The following CD163L1 variants were observed in gnomAD, a reference collection of about 807,000 sequenced individuals.
The protein encoded by CD163L1 is scavenger receptor cysteine-rich type 1 protein M160.
Under a neutral mutation model 165.4 loss-of-function variants are expected in CD163L1, and 124 were observed. The observed-to-expected ratio is 0.75, with a 90% CI of 0.65 to 0.87. The LOEUF (loss-of-function observed/expected upper bound fraction) is 0.87, where lower values mean the gene tolerates loss of function less well. Among genes scored for constraint, CD163L1 ranks in the 40% least tolerant of loss-of-function variants. The pLI is 0.00. For synonymous variants in CD163L1, 585 were observed against 662.2 expected (o/e 0.88, Z 1.79); for missense variants, 1,525 against 1,799.9 (o/e 0.85, Z 2.76).
chr12:7,413,966 T>C (rs1948187854), intron 4 of CD163L1, among the ~76,000 whole-genome samples: 1 of 152,030 alleles, frequency 6.6e-6, no homozygotes, highest in South Asian at 2.1e-4. Flanking sequence ...GGCTGAGTGG[T>C]GAAGGTTCAT....
chr12:7,415,538 T>C (rs905195499), intron 4 of CD163L1, among the ~76,000 whole-genome samples: 1 of 152,036 alleles, frequency 6.6e-6, no homozygotes, highest in African/African-American at 2.4e-5. Flanking sequence ...CAACCAGTCA[T>C]CTACATAAAG....
At chr12:7,363,276 T>G (rs1946944636) in intron 18 of CD163L1, among the ~76,000 whole-genome samples, 2 of 151,718 alleles carry the variant, frequency 1.3e-5, no homozygotes, top group Admixed American at 1.3e-4. Flanking sequence ...ACCCCTGCAC[T>G]CTAGCATGGG....
chr12:7,356,688 A>G (rs147946935), intron 19 of CD163L1, among the ~76,000 whole-genome samples: 64 of 152,152 alleles, frequency 4.2e-4, no homozygotes, highest in Admixed American at 1.6e-3. Flanking sequence ...ATTGAGTTCA[A>G]TTTTTCTCTC....
rs572151308 is a variant in CD163L1, at chr12:7,418,539, C to A, written c.767-11687G>T. ...AAGAAAATTATACCAAAGATCAGAGCAGAACTAAATGAAATTGAAAAACAA... is the reference window on the plus strand; with the variant it reads ...AAGAAAATTATACCAAAGATCAGAGAAGAACTAAATGAAATTGAAAAACAA... On this transcript the variant is annotated intron_variant, in intron 4 of 19. Transcript: ENST00000313599. Among the ~76,000 whole-genome samples, 26 of 151,782 alleles carry A rather than the reference C, an allele frequency of 1.7e-4. No homozygotes were observed. The South Asian group carries it at 5.4e-3, about 32-fold the overall frequency.
chr12:7,368,521 GTTTC>G lies in CD163L1; in HGVS notation c.4073-328_4073-325del, dbSNP rs1412844806. 7.6e-5 allele frequency among the ~76,000 whole-genome samples: 11 copies of G among 144,756 alleles called. No homozygotes were observed. The highest frequency in any genetic ancestry group is 2.0e-4 in the East Asian group (1 of 4,916). The allele number at this position is 144,756 out of a possible 152,430, so 95.0% of individuals were successfully genotyped here. ...AAAATACTAGGGCTTGAGCTGAGCT[GTTTC>G]TTTCTTTTTTTTTTTTTTTTGAGAT... On this transcript the variant is annotated intron_variant, in intron 16 of 19. Coordinates refer to ENST00000313599, the MANE Select transcript of CD163L1 (RefSeq NM_174941.6). The surrounding 1 kb of genome is among the most constrained non-coding windows in gnomAD (Gnocchi z 4.3).
At chr12:7,419,875 T>C (rs1381433095) in intron 4 of CD163L1, among the ~76,000 whole-genome samples, 1 of 151,934 alleles carries the variant, frequency 6.6e-6, no homozygotes, top group African/African-American at 2.4e-5. Flanking sequence ...AGAAATCATA[T>C]GGAACCAAAA....
intron 18 of CD163L1, among the ~76,000 whole-genome samples, chr12:7,358,322 C>T (rs1946822153): frequency 6.6e-6 from 1 of 152,102 alleles, no homozygotes; most frequent in South Asian, 2.1e-4. Context: ...CAAGTTATCA[C>T]AGTGAAGACT....
At chr12:7,370,801 C>T (rs1474916127) in intron 14 of CD163L1, among the ~76,000 whole-genome samples, 4 of 152,120 alleles carry the variant, frequency 2.6e-5, no homozygotes, top group African/African-American at 4.8e-5. Context: ...TACTTTTAGA[C>T]TAGCTTCTAC....
the CD163L1 span, among the ~76,000 whole-genome samples, chr12:7,319,797 G>A: frequency 6.6e-6 from 1 of 151,996 alleles, no homozygotes; most frequent in South Asian, 2.1e-4. Context: ...TTTACAAAGT[G>A]CCCTAAAGTT....
At position 7,347,449 on chromosome 12, in the gene CD163L1, T is replaced by C. The variant is rs2136361051; in HGVS notation, c.*25-302A>G. Among the ~76,000 whole-genome samples, 1 of 152,286 alleles carries C rather than the reference T, an allele frequency of 6.6e-6. No individual in the cohort carries two copies. The highest frequency in any genetic ancestry group is 2.4e-5 in the African/African-American group (1 of 41,570). Reference sequence around the variant, plus strand: ...TGGGTGGTTACTTTCCTTATATCTTTATAACCAGTTTATCTTGGTTAATTT... The same window carrying C: ...TGGGTGGTTACTTTCCTTATATCTTCATAACCAGTTTATCTTGGTTAATTT... On this transcript the variant is annotated intron_variant, in intron 4 of 4. Transcript: ENST00000539726. The surrounding 1 kb of genome is among the most constrained non-coding windows in gnomAD (Gnocchi z 4.2).
chr12:7,438,786 C>G, intron 2 of CD163L1: 1 of 1,482,242 alleles, frequency 6.7e-7, no homozygotes, highest in Non-Finnish European at 9.1e-7. Flanking sequence ...ACCTCCTCGG[C>G]TGAGTCCATG....
intron 4 of CD163L1, among the ~76,000 whole-genome samples, chr12:7,411,480 C>G (rs1186784832): frequency 6.6e-6 from 1 of 152,134 alleles, no homozygotes; most frequent in Non-Finnish European, 1.5e-5. Context: ...GCCCTCCCTG[C>G]AGTAATGAGT....
chr12:7,319,589 C>CAA, the CD163L1 span, among the ~76,000 whole-genome samples: 6 of 53,606 alleles, frequency 1.1e-4, no homozygotes, highest in Non-Finnish European at 1.9e-4. Context: ...GACTCCGTCT[C>CAA]AAAAAAAAAA....
At chr12:7,420,079 CAAAGT>C (rs1211665999) in intron 4 of CD163L1, among the ~76,000 whole-genome samples, 1 of 151,872 alleles carries the variant, frequency 6.6e-6, no homozygotes, top group African/African-American at 2.4e-5. Flanking sequence ...TGATCTTTAA[CAAAGT>C]AAACAAAAAC....
In CD163L1 at chr12:7,430,970, ATCACT is replaced by A. The variant is rs1948617746; in HGVS notation, c.766+1441_766+1445del. On this transcript the variant is annotated intron_variant, in intron 4 of 19. Coordinates refer to ENST00000313599, the MANE Select transcript of CD163L1 (RefSeq NM_174941.6). ...GTCAACTAAACGTGCTGCAAAAAAC[ATCACT>A]TCAGCTGCACTGTGGAAAATGGATT... Among the ~76,000 whole-genome samples the A allele has an allele frequency of 2.0e-5, 3 of 152,146 alleles. No homozygotes were observed. The South Asian group carries it at 6.2e-4, about 32-fold the overall frequency.
chr12:7,379,529 T>C (rs1206030897), intron 8 of CD163L1, among the ~76,000 whole-genome samples: 2 of 152,230 alleles, frequency 1.3e-5, no homozygotes, highest in African/African-American at 2.4e-5. Flanking sequence ...TTTCAATCCA[T>C]GAACATTTCT....
the CD163L1 span, among the ~76,000 whole-genome samples, chr12:7,331,357 G>C: frequency 6.6e-6 from 1 of 152,244 alleles, no homozygotes; most frequent in African/African-American, 2.4e-5. Context: ...CCACCTCTGG[G>C]GGCAGGGCAC....
intron 18 of CD163L1, among the ~76,000 whole-genome samples, chr12:7,359,660 CGAAAA>C (rs1161231953): frequency 2.0e-5 from 3 of 151,726 alleles, no homozygotes; most frequent in Admixed American, 1.3e-4. Flanking sequence ...CTCTGATCTA[CGAAAA>C]GAAAAGGGAA....
At chr12:7,370,549 G>A (rs1475250904) in intron 14 of CD163L1, among the ~76,000 whole-genome samples, 2 of 152,238 alleles carry the variant, frequency 1.3e-5, no homozygotes, top group South Asian at 4.2e-4. Flanking sequence ...TAACTTTTAG[G>A]TAATTTGGCT....
Sources: allele counts gnomAD v4.1 joint callset (sites outside exome capture counted in the v4.1 genomes callset), GRCh38; gene constraint gnomAD v4.1.1; non-coding constraint Gnocchi (gnomAD v3.1); transcripts MANE v1.5; gene names NCBI Gene and HGNC (gene_info 2026-07-23, HGNC 2026-07-21).